The following NPAS3 variants were observed in gnomAD, a reference collection of about 807,000 sequenced individuals.
NPAS3 encodes the protein neuronal PAS domain-containing protein 3.
NPAS3 carries 14 observed loss-of-function variants against 73.1 expected under a neutral mutation model. That is an observed-to-expected ratio of 0.19 (90% CI 0.13 to 0.30). The LOEUF (loss-of-function observed/expected upper bound fraction) is 0.30. NPAS3 is among the 10% of genes least tolerant of loss of function. The pLI is 1.00. For missense variants in NPAS3, 1,096 were observed against 1,250.0 expected (o/e 0.88, Z 1.86); for synonymous variants, 620 against 541.5 (o/e 1.14, Z -2.01).
chr14:33,326,669 T>G (rs571670902), intron 3 of NPAS3, among the ~76,000 whole-genome samples: 5 of 152,148 alleles, frequency 3.3e-5, no homozygotes, highest in Non-Finnish European at 7.3e-5. Context: ...GGTCAAAACT[T>G]TGAAAAGCTG....
intron 4 of NPAS3, among the ~76,000 whole-genome samples, chr14:33,431,139 C>T (rs1181186733): frequency 2.0e-5 from 3 of 152,108 alleles, no homozygotes; most frequent in Non-Finnish European, 4.4e-5. Flanking sequence ...TGAGATGATA[C>T]CGTGTTGGTT....
At chr14:33,411,081 A>G (rs1164458469) in intron 4 of NPAS3, among the ~76,000 whole-genome samples, 2 of 152,226 alleles carry the variant, frequency 1.3e-5, no homozygotes, top group Admixed American at 1.3e-4. Flanking sequence ...TGTAGCATGC[A>G]TCTTGGCTAA....
At chr14:32,987,911 T>G (rs1485465178) in intron 1 of NPAS3, among the ~76,000 whole-genome samples, 1 of 152,156 alleles carries the variant, frequency 6.6e-6, no homozygotes, top group African/African-American at 2.4e-5. Flanking sequence ...AACTAAACAT[T>G]CTGTCATGTT....
At chr14:33,549,326 G>A (rs1001507743) in intron 4 of NPAS3, among the ~76,000 whole-genome samples, 6 of 152,168 alleles carry the variant, frequency 3.9e-5, no homozygotes, top group African/African-American at 1.2e-4. Context: ...CTGCCTTCCA[G>A]GTTTAAGCGT....
At chr14:33,727,629 A>G (rs1437868800) in intron 6 of NPAS3, among the ~76,000 whole-genome samples, 1 of 152,016 alleles carries the variant, frequency 6.6e-6, no homozygotes, top group Non-Finnish European at 1.5e-5. Context: ...AGAAAAGAAA[A>G]AGAAAAAGAA....
At chr14:33,784,745 A>ATTTATTTATTTATTTT in intron 9 of NPAS3, among the ~76,000 whole-genome samples, 1 of 73,836 alleles carries the variant, frequency 1.4e-5, no homozygotes, top group Non-Finnish European at 2.4e-5. Flanking sequence ...TTATTTATTT[A>ATTTATTTATTTATTTT]TTTTTTTTTT....
At chr14:33,136,065 T>C (rs538243800) in intron 2 of NPAS3, among the ~76,000 whole-genome samples, 1,544 of 138,782 alleles carry the variant, frequency 0.011, 24 homozygotes, top group African/African-American at 0.046. Flanking sequence ...TTTCTTTTTT[T>C]TTTTTTTTTT....
intron 4 of NPAS3, among the ~76,000 whole-genome samples, chr14:33,418,977 G>T (rs1211826456): frequency 6.6e-6 from 1 of 151,848 alleles, no homozygotes; most frequent in Non-Finnish European, 1.5e-5. Context: ...CACCCACAAG[G>T]TACTTACAGT....
chr14:33,368,310 TAAAAAAAAAA>T (rs66579296), intron 4 of NPAS3, among the ~76,000 whole-genome samples: 3 of 144,882 alleles, frequency 2.1e-5, no homozygotes, highest in Admixed American at 6.9e-5. Flanking sequence ...GATTCTGCGT[TAAAAAAAAAA>T]AAAAGAAGAA....
chr14:33,273,333 G>A (rs1385685008), intron 3 of NPAS3, among the ~76,000 whole-genome samples: 2 of 152,084 alleles, frequency 1.3e-5, no homozygotes, highest in Non-Finnish European at 2.9e-5. Flanking sequence ...TTCTCTGTAG[G>A]TCTCTTCTGT....
intron 5 of NPAS3, among the ~76,000 whole-genome samples, chr14:33,569,809 C>A (rs186266182): frequency 9.2e-5 from 14 of 152,200 alleles, no homozygotes; most frequent in Admixed American, 7.8e-4. Flanking sequence ...TTCTTAGGAA[C>A]TTAAAAAACG....
intron 5 of NPAS3, among the ~76,000 whole-genome samples, chr14:33,626,403 G>T (rs960784573): frequency 8.5e-5 from 13 of 152,100 alleles, no homozygotes; most frequent in Non-Finnish European, 1.6e-4. Context: ...AGTGCTTCTT[G>T]TACAAGATGT....
At chr14:33,669,313 A>C (rs1435621178) in intron 5 of NPAS3, among the ~76,000 whole-genome samples, 1 of 152,120 alleles carries the variant, frequency 6.6e-6, no homozygotes, top group Non-Finnish European at 1.5e-5. Flanking sequence ...TTTCTCCCCT[A>C]TAGGCACTTG....
chr14:33,377,386 C>A (rs1193767921), intron 4 of NPAS3, among the ~76,000 whole-genome samples: 2 of 152,190 alleles, frequency 1.3e-5, no homozygotes, highest in Non-Finnish European at 2.9e-5. Flanking sequence ...AACACCCAAT[C>A]AGAAATCCAG....
intron 3 of NPAS3, among the ~76,000 whole-genome samples, chr14:33,225,330 CCTT>C (rs2047589219): frequency 6.6e-6 from 1 of 152,204 alleles, no homozygotes; most frequent in African/African-American, 2.4e-5. Flanking sequence ...TGGTTAGTCT[CCTT>C]CTTTTTCTTG....
intron 1 of NPAS3, among the ~76,000 whole-genome samples, chr14:32,962,128 T>A (rs2036948843): frequency 6.6e-6 from 1 of 152,304 alleles, no homozygotes; most frequent in African/African-American, 2.4e-5. Flanking sequence ...AGAAACTGTT[T>A]CTATGTGGAT....
At chr14:33,480,616 A>G (rs1431256256) in intron 4 of NPAS3, among the ~76,000 whole-genome samples, 3 of 125,278 alleles carry the variant, frequency 2.4e-5, no homozygotes, top group Non-Finnish European at 4.9e-5. Context: ...GTGCACATCT[A>G]AATGTACACC....
chr14:33,736,560 T>C (rs2061528633), intron 7 of NPAS3, among the ~76,000 whole-genome samples: 1 of 152,310 alleles, frequency 6.6e-6, no homozygotes. Context: ...CCATTTTCTA[T>C]TGCCCTGCCT....
intron 2 of NPAS3, among the ~76,000 whole-genome samples, chr14:33,180,309 A>C (rs538272321): frequency 6.6e-6 from 1 of 152,044 alleles, no homozygotes; most frequent in Non-Finnish European, 1.5e-5. Context: ...GCCACTTCTG[A>C]ATTCTCCCAT....
Sources: allele counts gnomAD v4.1 joint callset (sites outside exome capture counted in the v4.1 genomes callset), GRCh38; gene constraint gnomAD v4.1.1; transcripts MANE v1.5; gene names NCBI Gene and HGNC (gene_info 2026-07-23, HGNC 2026-07-21).